Variants in BEND5 observed in about 807,000 individuals in gnomAD.
The protein encoded by BEND5 is BEN domain-containing protein 5.
A neutral mutation model predicts 43.9 loss-of-function variants in BEND5; 22 were observed. The observed-to-expected ratio is 0.50, with a 90% confidence interval of 0.36 to 0.72. The LOEUF (loss-of-function observed/expected upper bound fraction) is 0.72. BEND5 is among the 30% of genes least tolerant of loss of function. BEND5 has a pLI of 0.00. For synonymous variants in BEND5, 228 were observed against 225.9 expected (o/e 1.01, Z -0.08); for missense variants, 428 against 550.6 (o/e 0.78, Z 2.23).
At chr1:48,755,843 C>G (rs1378300615) in intron 3 of BEND5, among the ~76,000 whole-genome samples, 1 of 152,216 alleles carries the variant, frequency 6.6e-6, no homozygotes, top group Non-Finnish European at 1.5e-5. Flanking sequence ...AGTTCCTAGG[C>G]TCAGAAAGCA....
chr1:48,769,853 A>G (rs1045950707), intron 1 of BEND5, among the ~76,000 whole-genome samples: 4 of 152,220 alleles, frequency 2.6e-5, no homozygotes, highest in South Asian at 2.1e-4. Context: ...CCAAAGCCAC[A>G]CAGCTTCTAA....
rs567331833 is a variant in BEND5 at position 48,769,031 on chromosome 1, C to G, written c.227-7561G>C. Among the ~76,000 whole-genome samples the G allele has an allele frequency of 3.0e-4, 46 of 152,284 alleles. 2 individuals carry two copies. The South Asian group carries it at 8.9e-3, about 29-fold the overall frequency. On this transcript the variant is annotated intron_variant, in intron 1 of 5. Coordinates refer to ENST00000371833, the MANE Select transcript of BEND5 (RefSeq NM_024603.4). ...AGACACCAAATCGAGGCCTGCCTCT[C>G]TCATTAACTTGTTTGGTGATTAGTC...
chr1:48,759,997 G>A (rs751409704), intron 2 of BEND5, among the ~76,000 whole-genome samples: 2 of 152,182 alleles, frequency 1.3e-5, no homozygotes, highest in Non-Finnish European at 2.9e-5. Flanking sequence ...TGTTACAGGT[G>A]AGAAAACTGA....
chr1:48,755,756 C>T (rs187820985), intron 3 of BEND5, among the ~76,000 whole-genome samples: 13 of 152,184 alleles, frequency 8.5e-5, no homozygotes, highest in African/African-American at 2.4e-4. Context: ...TGGCACTCTG[C>T]GTTTTAATAA....
intron 3 of BEND5, among the ~76,000 whole-genome samples, chr1:48,744,273 A>G (rs1321050885): frequency 6.6e-6 from 1 of 152,218 alleles, no homozygotes; most frequent in Non-Finnish European, 1.5e-5. Context: ...TGCTAAGTAA[A>G]TAAAACAATG....
intron 5 of BEND5, among the ~76,000 whole-genome samples, chr1:48,735,447 G>A (rs1323299222): frequency 6.6e-6 from 1 of 151,116 alleles, no homozygotes; most frequent in East Asian, 1.9e-4. Context: ...AGAGGAGGAA[G>A]GAGAGAAAGT....
At chr1:48,732,276 G>T (rs1182380997) in intron 5 of BEND5, among the ~76,000 whole-genome samples, 2 of 152,138 alleles carry the variant, frequency 1.3e-5, no homozygotes, top group Non-Finnish European at 2.9e-5. Flanking sequence ...TGTCATGTGG[G>T]CATCTGTGAA....
At chr1:48,757,862 C>T (rs1412310167) in intron 3 of BEND5, among the ~76,000 whole-genome samples, 5 of 152,224 alleles carry the variant, frequency 3.3e-5, no homozygotes, top group Non-Finnish European at 7.3e-5. Context: ...AGCACACTGA[C>T]TCAGAGTTAT....
At chr1:48,760,418 A>G (rs1320007041) in intron 2 of BEND5, among the ~76,000 whole-genome samples, 2 of 152,234 alleles carry the variant, frequency 1.3e-5, no homozygotes, top group Non-Finnish European at 2.9e-5. Context: ...ACCCAGCCCA[A>G]TGAAACCATG....
intron 5 of BEND5, among the ~76,000 whole-genome samples, chr1:48,731,408 A>G (rs1648106449): frequency 6.6e-6 from 1 of 152,146 alleles, no homozygotes; most frequent in Non-Finnish European, 1.5e-5. Flanking sequence ...CTTCTCATTC[A>G]CGTACAAGGC....
At chr1:48,742,579 T>C in intron 4 of BEND5, 44 bp downstream of exon 4, 1 of 1,461,034 alleles carries the variant, frequency 6.8e-7, no homozygotes, top group South Asian at 1.5e-5. Flanking sequence ...TTACTCTGAC[T>C]AACAAACACT....
intron 3 of BEND5, among the ~76,000 whole-genome samples, chr1:48,754,153 C>A (rs1652167087): frequency 6.6e-6 from 1 of 152,162 alleles, no homozygotes; most frequent in South Asian, 2.1e-4. Flanking sequence ...GGGGAGGACA[C>A]CGTAGCCTTG....
At chr1:48,762,232 T>C (rs1305260265) in intron 1 of BEND5, among the ~76,000 whole-genome samples, 1 of 152,248 alleles carries the variant, frequency 6.6e-6, no homozygotes, top group Non-Finnish European at 1.5e-5. Flanking sequence ...CGACACATAC[T>C]GAATGTAAAG....
intron 3 of BEND5, among the ~76,000 whole-genome samples, chr1:48,743,951 A>G (rs10749679): frequency 0.3 from 45,565 of 152,106 alleles, 7,641 homozygotes; most frequent in East Asian, 0.71. Flanking sequence ...AGTATCATAA[A>G]ATTTAAGAAT....
chr1:48,734,045 C>T (rs1648605869), intron 5 of BEND5, among the ~76,000 whole-genome samples: 1 of 152,180 alleles, frequency 6.6e-6, no homozygotes, highest in Admixed American at 6.5e-5. Flanking sequence ...GGTCACCTAC[C>T]AGGCAGGGCA....
intron 4 of BEND5, among the ~76,000 whole-genome samples, chr1:48,737,234 A>C (rs536647135): frequency 3.3e-4 from 50 of 152,312 alleles, no homozygotes; most frequent in Admixed American, 3.1e-3. Context: ...CAGTGAGCCG[A>C]GATCGTGCCA....
chr1:48,753,529 G>A (rs920039208), intron 3 of BEND5, among the ~76,000 whole-genome samples: 1 of 152,188 alleles, frequency 6.6e-6, no homozygotes, highest in Non-Finnish European at 1.5e-5. Flanking sequence ...GTATTTTAGC[G>A]GACCTTGGAC....
intron 4 of BEND5, among the ~76,000 whole-genome samples, chr1:48,739,493 G>A (rs902942192): frequency 1.3e-5 from 2 of 152,082 alleles, no homozygotes; most frequent in Non-Finnish European, 2.9e-5. Context: ...ACAAAATTCC[G>A]GAACTTGTTC....
chr1:48,742,583 A>C, intron 4 of BEND5, 40 bp downstream of exon 4: 2 of 1,466,748 alleles, frequency 1.4e-6, no homozygotes, highest in African/African-American at 1.4e-5. Flanking sequence ...TCTGACTAAC[A>C]AACACTTGCA....
Sources: allele counts gnomAD v4.1 joint callset (sites outside exome capture counted in the v4.1 genomes callset), GRCh38; gene constraint gnomAD v4.1.1; transcripts MANE v1.5; gene names NCBI Gene and HGNC (gene_info 2026-07-23, HGNC 2026-07-21).